The following SDK2 variants were observed in gnomAD, a reference collection of about 807,000 sequenced individuals.
SDK2 encodes the protein protein sidekick-2.
A neutral mutation model predicts 253.9 loss-of-function variants in SDK2; 105 were observed. The observed-to-expected ratio is 0.41, with a 90% confidence interval of 0.35 to 0.49. The LOEUF (loss-of-function observed/expected upper bound fraction) is 0.49. SDK2 is among the 20% of genes least tolerant of loss of function. The probability of loss-of-function intolerance (pLI) is 0.06; values close to 1 mark genes in which losing one functional copy is unlikely to be tolerated. For missense variants in SDK2, 2,608 were observed against 3,003.0 expected (o/e 0.87, Z 3.07); for synonymous variants, 1,249 against 1,234.9 (o/e 1.01, Z -0.24).
chr17:73,393,043 G>A (rs2062940821), intron 27 of SDK2, among the ~76,000 whole-genome samples: 2 of 151,926 alleles, frequency 1.3e-5, no homozygotes, highest in African/African-American at 4.8e-5. Context: ...TCAGGAGTTC[G>A]AGACCAGCCT....
At chr17:73,436,098 T>C (rs986028536) in intron 8 of SDK2, among the ~76,000 whole-genome samples, 12 of 152,066 alleles carry the variant, frequency 7.9e-5, no homozygotes, top group African/African-American at 2.4e-4. Flanking sequence ...CATGTATGTG[T>C]GCTCTGGGAA....
chr17:73,557,758 G>C (rs1035383335), intron 1 of SDK2, among the ~76,000 whole-genome samples: 1 of 151,964 alleles, frequency 6.6e-6, no homozygotes, highest in Admixed American at 6.6e-5. Context: ...AGAGGGTAGA[G>C]AGAACCCAAA....
intron 1 of SDK2, among the ~76,000 whole-genome samples, chr17:73,630,047 C>A (rs1041887987): frequency 2.6e-5 from 4 of 152,288 alleles, no homozygotes; most frequent in African/African-American, 9.6e-5. Flanking sequence ...GTTAACTGAG[C>A]TTTGCTGTAG....
At position 73,415,964 on chromosome 17, in the gene SDK2, A is replaced by G. The variant is rs2063177898; in HGVS notation, c.2215T>C (p.Tyr739His). The G allele has an allele frequency of 1.9e-6, 3 of 1,611,320 alleles. No individual in the cohort carries two copies. The African/African-American group carries it at 4.0e-5, about 21-fold the overall frequency. The change falls in exon 17 of 45, where the codon TAC (tyrosine) becomes CAC (histidine). Residue 739 changes from tyrosine to histidine, a missense_variant. This residue lies in a region of SDK2 where 1,505 missense variants were observed against 1,859.1 expected (regional missense o/e 0.81). Transcript: ENST00000392650. Reference protein sequence around the residue: ...RYCLAGLPVGYQFKNITDADV... With the variant: ...RYCLAGLPVGHQFKNITDADV... ...GCATCCGTGATGTTCTTAAACTGGT[A>G]CCCCACGGGCAGCCCGGCCAGGCAG...
intron 5 of SDK2, among the ~76,000 whole-genome samples, chr17:73,445,935 C>T (rs768929104): frequency 1.4e-4 from 22 of 152,102 alleles, no homozygotes; most frequent in Non-Finnish European, 1.9e-4. Flanking sequence ...ACCTGCCCAC[C>T]TCCCTGGGGC....
At chr17:73,488,517 T>G (rs979336961) in intron 2 of SDK2, among the ~76,000 whole-genome samples, 1 of 152,114 alleles carries the variant, frequency 6.6e-6, no homozygotes, top group African/African-American at 2.4e-5. Flanking sequence ...GGATGCACAG[T>G]TGTGCACAAA....
At chr17:73,485,581 T>C (rs974590474) in intron 2 of SDK2, among the ~76,000 whole-genome samples, 1 of 152,130 alleles carries the variant, frequency 6.6e-6, no homozygotes, top group African/African-American at 2.4e-5. Flanking sequence ...TAGCAAACTA[T>C]ATTCATGGGT....
intron 1 of SDK2, among the ~76,000 whole-genome samples, chr17:73,550,578 G>A (rs555018347): frequency 3.3e-5 from 5 of 152,206 alleles, no homozygotes; most frequent in East Asian, 1.9e-4. Flanking sequence ...GCTTTTGACC[G>A]TCTCCCATTC....
chr17:73,534,079 C>CCCCTCCTCTTCCTCCTCCTCCTT lies in SDK2; in HGVS notation c.65-26505_65-26483dup, dbSNP rs1325688490. ...TCCTCCTCCTCCTTCCCCGCCTCCT[C>CCCCTCCTCTTCCTCCTCCTCCTT]CCCTCCTCTTCCTCCTCCTCCTTCC... On this transcript the variant is annotated intron_variant, in intron 1 of 44. Transcript: ENST00000392650. This position sits in a 1 kb window ranked among gnomAD's most constrained non-coding sequence, Gnocchi z 4.9. Among the ~76,000 whole-genome samples, 2 of 152,098 alleles carry CCCCTCCTCTTCCTCCTCCTCCTT rather than the reference C, an allele frequency of 1.3e-5. No homozygotes were observed. The highest frequency in any genetic ancestry group is 6.5e-5 in the Admixed American group (1 of 15,282).
chr17:73,632,066 C>T (rs1341419871), intron 1 of SDK2, among the ~76,000 whole-genome samples: 1 of 152,198 alleles, frequency 6.6e-6, no homozygotes. Flanking sequence ...AGCAGGGTCC[C>T]CTTGGGAGGG....
At chr17:73,363,095 C>T (rs557834207) in intron 38 of SDK2, among the ~76,000 whole-genome samples, 37 of 152,220 alleles carry the variant, frequency 2.4e-4, no homozygotes, top group East Asian at 1.9e-3. Context: ...CTAATATTAT[C>T]GTTTTGAGGT....
chr17:73,423,760 G>A (rs978929903), intron 13 of SDK2, among the ~76,000 whole-genome samples, 156 bp downstream of exon 13: 3 of 152,196 alleles, frequency 2.0e-5, no homozygotes, highest in African/African-American at 7.2e-5. Context: ...TGAGAGAAAG[G>A]CCTGGAAGGA....
rs116647438 is a variant in SDK2 at position 73,619,481 on chromosome 17, A to G, written c.64+24544T>C. Reference sequence around the variant, plus strand: ...TTTTGACAAAGTTGTCAGGAAACTCAATGGGGAAAAAACATGTCTCTTCAA... The same window carrying G: ...TTTTGACAAAGTTGTCAGGAAACTCGATGGGGAAAAAACATGTCTCTTCAA... On this transcript the variant is annotated intron_variant, in intron 1 of 44. Transcript: ENST00000392650. Among the ~76,000 whole-genome samples, 1,211 of 152,312 alleles carry G rather than the reference A, an allele frequency of 8.0e-3. 9 individuals are homozygous for G. Among genetic ancestry groups the G allele is most frequent in the African/African-American group, 0.028 (1,157 of 41,556 alleles).
chr17:73,624,621 G>A (rs1041331865), intron 1 of SDK2, among the ~76,000 whole-genome samples: 6 of 152,198 alleles, frequency 3.9e-5, no homozygotes, highest in Non-Finnish European at 7.3e-5. Flanking sequence ...CGCACCTGGG[G>A]AATCTTAAAA....
intron 1 of SDK2, among the ~76,000 whole-genome samples, chr17:73,608,563 C>T (rs147064934): frequency 0.029 from 4,374 of 152,238 alleles, 214 homozygotes; most frequent in African/African-American, 0.099. Flanking sequence ...CTGCCTCAGC[C>T]TCCCGAGTAG....
intron 27 of SDK2, among the ~76,000 whole-genome samples, chr17:73,392,287 T>C (rs1378288470): frequency 1.4e-5 from 2 of 145,066 alleles, no homozygotes; most frequent in Non-Finnish European, 3.0e-5. Context: ...TTTTTTTTTT[T>C]AATACCGAGT....
chr17:73,567,759 C>A (rs1167809744), intron 1 of SDK2, among the ~76,000 whole-genome samples: 1 of 152,226 alleles, frequency 6.6e-6, no homozygotes, highest in Non-Finnish European at 1.5e-5. Context: ...GGGTTTCGGA[C>A]TTGGGTAGGG....
chr17:73,569,179 GTTCT>G (rs1356507514), intron 1 of SDK2, among the ~76,000 whole-genome samples: 7 of 150,622 alleles, frequency 4.6e-5, no homozygotes, highest in East Asian at 3.9e-4. Context: ...CAAAGCCCAT[GTTCT>G]TTCTTTCTTT....
Position 73,338,649 on chromosome 17 carries a change from G to C in SDK2, c.6457C>G (p.Pro2153Ala). The change falls in exon 45 of 45, where the codon CCC becomes GCC. Residue 2153 changes from proline (P) to alanine (A), a missense_variant. Around this residue, in one of 2 missense-constraint regions of SDK2, gnomAD observed 1,103 missense variants for 1,143.9 expected, o/e 0.96. Coordinates refer to ENST00000392650, the MANE Select transcript of SDK2 (RefSeq NM_001144952.2). The surrounding 1 kb of genome is among the most constrained non-coding windows in gnomAD (Gnocchi z 5.0). ...GAGCCTGGGGCCAGGCTGCTGGGGG[G>C]ACGGTAGAGGGTGCTCTGCTGACTT... ...PPSQQSTLYR[P>A]PSSLAPGSRA... The C allele has an allele frequency of 1.9e-6, 3 of 1,548,366 alleles. No homozygotes were observed.
Sources: gnomAD v4.1 joint callset for allele counts (sites outside exome capture counted in the v4.1 genomes callset) on GRCh38, gnomAD v4.1.1 for gene constraint, gnomAD v4.1.1 regional missense constraint, Gnocchi (gnomAD v3.1) non-coding constraint, MANE v1.5 for transcripts, NCBI Gene and HGNC (gene_info 2026-07-23, HGNC 2026-07-21) for gene names.